PAG1: variants seen among roughly 807,000 people sequenced by gnomAD.
PAG1 encodes phosphoprotein associated with glycosphingolipid-enriched microdomains 1.
Under a neutral mutation model 31.7 loss-of-function variants are expected in PAG1, and 23 were observed. That is an observed-to-expected ratio of 0.73 (90% CI 0.52 to 1.03). The LOEUF is 1.03. Among genes scored for constraint, PAG1 ranks in the 50% least tolerant of loss-of-function variants. The pLI is 0.00. For missense variants in PAG1, 473 were observed against 540.7 expected (o/e 0.87, Z 1.24); for synonymous variants, 214 against 210.3 (o/e 1.02, Z -0.15).
chr8:81,023,336 T>G (rs528798769), intron 3 of PAG1, among the ~76,000 whole-genome samples: 2 of 152,294 alleles, frequency 1.3e-5, no homozygotes, highest in African/African-American at 2.4e-5. Flanking sequence ...TACTTGGTTT[T>G]GGGACCAATT....
intron 1 of PAG1, among the ~76,000 whole-genome samples, chr8:81,075,442 C>T (rs1196974484): frequency 6.6e-6 from 1 of 152,206 alleles, no homozygotes; most frequent in Non-Finnish European, 1.5e-5. Flanking sequence ...ACCTCCTGTA[C>T]AAACACTTGC....
At chr8:81,024,737 G>A (rs932666127) in intron 3 of PAG1, among the ~76,000 whole-genome samples, 8 of 152,282 alleles carry the variant, frequency 5.3e-5, no homozygotes, top group Admixed American at 2.6e-4. Context: ...CAAAGCTGTG[G>A]TCATAGTTCC....
intron 3 of PAG1, among the ~76,000 whole-genome samples, chr8:81,023,008 T>G (rs1217348183): frequency 6.6e-6 from 1 of 152,218 alleles, no homozygotes; most frequent in Non-Finnish European, 1.5e-5. Flanking sequence ...TATCTTTTCC[T>G]GGCTTCTTTA....
chr8:81,094,016 C>T (rs535439158), intron 1 of PAG1, among the ~76,000 whole-genome samples: 33 of 152,286 alleles, frequency 2.2e-4, no homozygotes, highest in African/African-American at 7.7e-4. Context: ...CTGCAGTCTG[C>T]TGTGGGGTGT....
chr8:80,987,589 C>A, intron 5 of PAG1, 123 bp from the exon 6 acceptor site: 1 of 663,130 alleles, frequency 1.5e-6, no homozygotes. Context: ...AAAACAGAAT[C>A]TCCTATAATA....
chr8:81,087,341 CAAAAAAA>C (rs34830995), intron 1 of PAG1, among the ~76,000 whole-genome samples: 2 of 98,318 alleles, frequency 2.0e-5, no homozygotes, highest in Non-Finnish European at 2.1e-5. Context: ...GACTCTGTCT[CAAAAAAA>C]AAAAAAAAAA....
intron 1 of PAG1, among the ~76,000 whole-genome samples, chr8:81,101,611 CA>C (rs1809610792): frequency 6.6e-6 from 1 of 152,110 alleles, no homozygotes. Flanking sequence ...ATTCTATTGG[CA>C]AAAATATTTA....
chr8:80,983,043 G>A (rs1347065456), intron 7 of PAG1, among the ~76,000 whole-genome samples: 1 of 152,172 alleles, frequency 6.6e-6, no homozygotes, highest in Non-Finnish European at 1.5e-5. Context: ...GACATTATTA[G>A]TGTTCAGACT....
At chr8:81,089,647 ATTATC>A (rs1809415190) in intron 1 of PAG1, among the ~76,000 whole-genome samples, 1 of 152,024 alleles carries the variant, frequency 6.6e-6, no homozygotes, top group African/African-American at 2.4e-5. Flanking sequence ...GCTGGGAGAC[ATTATC>A]TTTATTGGAT....
chr8:81,109,560 A>G (rs952021140), intron 1 of PAG1, among the ~76,000 whole-genome samples: 5 of 152,246 alleles, frequency 3.3e-5, no homozygotes, highest in Admixed American at 2.6e-4. Flanking sequence ...CTTCTCTCCT[A>G]TTATACACAT....
chr8:81,009,150 C>G (rs951513544), intron 3 of PAG1, among the ~76,000 whole-genome samples: 2 of 152,138 alleles, frequency 1.3e-5, no homozygotes, highest in Non-Finnish European at 2.9e-5. Flanking sequence ...TAGCAATTAT[C>G]TTCGTCTAGC....
intron 7 of PAG1, among the ~76,000 whole-genome samples, chr8:80,981,860 T>TC (rs201762813): frequency 0.028 from 3,784 of 134,410 alleles, 84 homozygotes; most frequent in Middle Eastern, 0.039. Context: ...TTATCTCACT[T>TC]CCTTTTTTTT....
chr8:81,091,937 C>A (rs1489553109), intron 1 of PAG1, among the ~76,000 whole-genome samples: 1 of 150,132 alleles, frequency 6.7e-6, no homozygotes, highest in Non-Finnish European at 1.5e-5. Context: ...GAGTTCAACC[C>A]TGTAGTAAGC....
chr8:81,049,169 TTCATCAAAAC>T (rs1370865463), intron 2 of PAG1, among the ~76,000 whole-genome samples: 1 of 152,202 alleles, frequency 6.6e-6, no homozygotes, highest in Admixed American at 6.5e-5. Context: ...ATAGATTTTC[TTCATCAAAAC>T]CCACAAACCC....
intron 3 of PAG1, among the ~76,000 whole-genome samples, chr8:81,000,913 G>T (rs1363245172): frequency 6.6e-6 from 1 of 152,126 alleles, no homozygotes; most frequent in African/African-American, 2.4e-5. Flanking sequence ...CAAGCTTAGT[G>T]TTCTTCTGAC....
At chr8:81,093,319 A>G (rs947841561) in intron 1 of PAG1, among the ~76,000 whole-genome samples, 2 of 152,192 alleles carry the variant, frequency 1.3e-5, no homozygotes, top group African/African-American at 4.8e-5. Context: ...AAGTCTAGAA[A>G]CCAATGAAGA....
At chr8:81,030,252 A>G (rs1808357095) in intron 2 of PAG1, among the ~76,000 whole-genome samples, 163 bp from the exon 3 acceptor site, 1 of 152,266 alleles carries the variant, frequency 6.6e-6, no homozygotes, top group Admixed American at 6.5e-5. Flanking sequence ...ATGTAGAGGC[A>G]CAACTATAGA....
chr8:81,029,673 C>T (rs1403284434), intron 3 of PAG1: 1 of 152,072 alleles, frequency 6.6e-6, no homozygotes, highest in Non-Finnish European at 1.5e-5. Context: ...TTTTCATAAT[C>T]GAACCCCGCT....
At chr8:81,068,656 G>C (rs1809046974) in intron 2 of PAG1, among the ~76,000 whole-genome samples, 1 of 152,214 alleles carries the variant, frequency 6.6e-6, no homozygotes, top group African/African-American at 2.4e-5. Flanking sequence ...CATTCACTGT[G>C]TGTTACTATG....
Sources: allele counts gnomAD v4.1 joint callset (sites outside exome capture counted in the v4.1 genomes callset), GRCh38; gene constraint gnomAD v4.1.1; transcripts MANE v1.5; gene names NCBI Gene and HGNC (gene_info 2026-07-23, HGNC 2026-07-21).